The following GPC3 variants were observed in gnomAD, a reference collection of about 807,000 sequenced individuals.
GPC3 encodes glypican 3.
In GPC3, 3 loss-of-function variants were observed where a neutral mutation model predicts 34.4. That is an observed-to-expected ratio of 0.09 (90% CI 0.04 to 0.23). The LOEUF (loss-of-function observed/expected upper bound fraction) is 0.23, where lower values mean the gene tolerates loss of function less well. Among genes scored for constraint, GPC3 ranks in the 10% least tolerant of loss-of-function variants. The pLI, the probability that GPC3 is intolerant of heterozygous loss-of-function variation, is 1.00. For synonymous variants in GPC3, 177 were observed against 174.0 expected (o/e 1.02, Z -0.13); for missense variants, 351 against 445.6 (o/e 0.79, Z 1.91).
chrX:133,891,358 C>G (rs959484722), intron 2 of GPC3, among the ~76,000 whole-genome samples: 5 of 111,392 alleles, frequency 4.5e-5, no homozygotes, highest in African/African-American at 9.8e-5. Context: ...TATCCCAAAA[C>G]TGACTGTGGT....
chrX:133,923,445 C>T (rs776457722), intron 2 of GPC3, among the ~76,000 whole-genome samples: 1 of 111,529 alleles, frequency 9.0e-6, no homozygotes, highest in Admixed American at 9.5e-5. Context: ...TAAATCCCCA[C>T]CCCACCCCCA....
At chrX:133,639,863 A>T (rs1037086767) in intron 6 of GPC3, among the ~76,000 whole-genome samples, 18 of 111,105 alleles carry the variant, frequency 1.6e-4, no homozygotes, top group African/African-American at 5.9e-4. Flanking sequence ...CAATACTGTC[A>T]TGCCCTGAAC....
intron 7 of GPC3, among the ~76,000 whole-genome samples, chrX:133,578,707 G>A (rs1454463207): frequency 8.1e-5 from 9 of 110,905 alleles, no homozygotes; most frequent in Admixed American, 2.9e-4. Flanking sequence ...AAACAAAACA[G>A]AACAAAACAC....
At chrX:133,604,986 T>G (rs2070030891) in intron 6 of GPC3, among the ~76,000 whole-genome samples, 1 of 112,005 alleles carries the variant, frequency 8.9e-6, no homozygotes, top group South Asian at 3.7e-4. Context: ...CATTATTATT[T>G]ATACGTTGTG....
intron 2 of GPC3, among the ~76,000 whole-genome samples, chrX:133,945,148 T>G (rs912073149): frequency 9.0e-6 from 1 of 111,499 alleles, no homozygotes; most frequent in Non-Finnish European, 1.9e-5. Context: ...TTTAACACTT[T>G]GGGAGGCCGA....
chrX:133,970,961 T>C (rs1408223481), intron 1 of GPC3, among the ~76,000 whole-genome samples: 1 of 111,669 alleles, frequency 9.0e-6, no homozygotes, highest in East Asian at 2.8e-4. Context: ...AAATTGAAAC[T>C]GGGACAATAA....
intron 2 of GPC3, among the ~76,000 whole-genome samples, chrX:133,923,164 G>A (rs780266501): frequency 3.6e-5 from 4 of 111,707 alleles, no homozygotes; most frequent in African/African-American, 1.3e-4. Flanking sequence ...CATCCCAAGC[G>A]ACTGTTTGTT....
At chrX:133,817,438 G>A (rs1363515553) in intron 2 of GPC3, among the ~76,000 whole-genome samples, 1 of 110,784 alleles carries the variant, frequency 9.0e-6, no homozygotes, top group South Asian at 3.9e-4. Context: ...TTGGCCACAT[G>A]TGAAGCAAGA....
chrX:133,835,950 G>C (rs1336411934), intron 2 of GPC3, among the ~76,000 whole-genome samples: 7 of 112,869 alleles, frequency 6.2e-5, no homozygotes, highest in Non-Finnish European at 1.9e-5. Flanking sequence ...ACCTAGGCTA[G>C]AGAAGTAGTG....
intron 6 of GPC3, among the ~76,000 whole-genome samples, chrX:133,634,406 T>C (rs141139725): frequency 1.2e-3 from 136 of 112,377 alleles, no homozygotes; most frequent in African/African-American, 4.2e-3. Context: ...TATTCATACA[T>C]TCCAAATCAG....
In GPC3 at chrX:133,985,477, C is replaced by G; in HGVS notation, c.-28G>C. 1 of 1,157,878 alleles carries G rather than the reference C, an allele frequency of 8.6e-7. No individual in the cohort carries two copies. The highest frequency in any genetic ancestry group is 1.2e-6 in the Non-Finnish European group (1 of 865,906). ...TGCTTCGCAGGGAGCTAGGAGAGCG[C>G]GGGAGAGTGGCAGCCGGAGCGAGAG... On this transcript the variant is annotated 5_prime_UTR_variant, in exon 1 of 8. Coordinates refer to ENST00000370818, the MANE Select transcript of GPC3 (RefSeq NM_004484.4).
At chrX:133,825,072 C>T (rs1051564829) in intron 2 of GPC3, among the ~76,000 whole-genome samples, 1 of 111,348 alleles carries the variant, frequency 9.0e-6, no homozygotes, top group African/African-American at 3.3e-5. Context: ...AGCCAGGCTG[C>T]TCTCGATCTC....
intron 2 of GPC3, among the ~76,000 whole-genome samples, chrX:133,883,988 T>A (rs1434683345): frequency 8.9e-6 from 1 of 111,840 alleles, no homozygotes; most frequent in Admixed American, 9.6e-5. Flanking sequence ...TATTATATAA[T>A]CCTTATGCAA....
chrX:133,867,065 G>A (rs1343064152), intron 2 of GPC3, among the ~76,000 whole-genome samples: 1 of 110,404 alleles, frequency 9.1e-6, no homozygotes, highest in Non-Finnish European at 1.9e-5. Flanking sequence ...GGGCATGGTG[G>A]TGCACGCCTG....
intron 2 of GPC3, among the ~76,000 whole-genome samples, chrX:133,935,915 A>G (rs1333797729): frequency 9.1e-6 from 1 of 110,380 alleles, no homozygotes; most frequent in Non-Finnish European, 1.9e-5. Flanking sequence ...TTTGAGTTTC[A>G]TAACAATCTT....
intron 2 of GPC3, among the ~76,000 whole-genome samples, chrX:133,781,877 T>C (rs1216450536): frequency 8.9e-6 from 1 of 112,029 alleles, no homozygotes; most frequent in Non-Finnish European, 1.9e-5. Context: ...TGAAGAAATT[T>C]ACTGTCTGGT....
At chrX:133,678,004 G>A (rs1416707973) in intron 5 of GPC3, among the ~76,000 whole-genome samples, 1 of 111,205 alleles carries the variant, frequency 9.0e-6, no homozygotes, top group Non-Finnish European at 1.9e-5. Flanking sequence ...AAACCTTGCA[G>A]GAGAGAAGTC....
At chrX:133,937,501 A>C (rs2076328226) in intron 2 of GPC3, among the ~76,000 whole-genome samples, 2 of 110,926 alleles carry the variant, frequency 1.8e-5, no homozygotes, top group South Asian at 7.7e-4. Context: ...ATAACTGTAG[A>C]GAGCATGCAC....
intron 6 of GPC3, among the ~76,000 whole-genome samples, chrX:133,632,618 C>T (rs2070378657): frequency 8.9e-6 from 1 of 112,119 alleles, no homozygotes; most frequent in African/African-American, 3.2e-5. Flanking sequence ...GCTTTGGCCA[C>T]AGCACGTAGC....
Sources: allele counts gnomAD v4.1 joint callset (sites outside exome capture counted in the v4.1 genomes callset), GRCh38; gene constraint gnomAD v4.1.1; transcripts MANE v1.5; gene names NCBI Gene and HGNC (gene_info 2026-07-23, HGNC 2026-07-21).